Variants in PIK3CB observed in about 807,000 individuals in gnomAD.
PIK3CB encodes phosphatidylinositol 4,5-bisphosphate 3-kinase catalytic subunit beta isoform.
PIK3CB carries 39 observed loss-of-function variants against 136.8 expected under a neutral mutation model. That is an observed-to-expected ratio of 0.29 (90% CI 0.22 to 0.37). PIK3CB has a LOEUF of 0.37. Ranked by LOEUF, PIK3CB falls within the 10% of genes least tolerant of loss-of-function variation. The probability of loss-of-function intolerance (pLI) is 1.00; values close to 1 mark genes in which losing one functional copy is unlikely to be tolerated. For missense variants in PIK3CB, 868 were observed against 1,275.4 expected (o/e 0.68, Z 4.87); for synonymous variants, 428 against 436.6 (o/e 0.98, Z 0.25).
At chr3:138,671,697 C>T (rs746032273) in intron 19 of PIK3CB, among the ~76,000 whole-genome samples, 1 of 152,238 alleles carries the variant, frequency 6.6e-6, no homozygotes, top group Non-Finnish European at 1.5e-5. Flanking sequence ...AACACTTGAA[C>T]AAAGGATTCT....
intron 7 of PIK3CB, among the ~76,000 whole-genome samples, chr3:138,734,041 A>T (rs2045048570): frequency 6.6e-6 from 1 of 152,228 alleles, no homozygotes; most frequent in Admixed American, 6.5e-5. Flanking sequence ...GACCATTTAT[A>T]TTAATATAGA....
chr3:138,760,089 ATTTTTT>A (rs2045641748), intron 2 of PIK3CB, among the ~76,000 whole-genome samples: 1 of 151,894 alleles, frequency 6.6e-6, no homozygotes, highest in East Asian at 1.9e-4. Flanking sequence ...GCCTGGCTAA[ATTTTTT>A]GTATTTTTAG....
chr3:138,769,513 T>G (rs2045774493), intron 2 of PIK3CB, among the ~76,000 whole-genome samples: 1 of 152,170 alleles, frequency 6.6e-6, no homozygotes, highest in Non-Finnish European at 1.5e-5. Context: ...ATATTCAAAC[T>G]AAAACCACAA....
intron 22 of PIK3CB, 142 bp downstream of exon 22, chr3:138,657,548 A>T (rs770909423): frequency 7.7e-6 from 5 of 648,788 alleles, no homozygotes; most frequent in Non-Finnish European, 1.3e-5. Context: ...ATAATCTGAC[A>T]GGCAAATTCC....
chr3:138,669,132 C>A (rs922679362), intron 19 of PIK3CB, among the ~76,000 whole-genome samples: 1 of 152,110 alleles, frequency 6.6e-6, no homozygotes, highest in African/African-American at 2.4e-5. Context: ...GGGAAGTAGG[C>A]CAGGTGCGGT....
rs1214393309 is a variant in PIK3CB at position 138,684,740 on chromosome 3, T to G, written c.2200A>C (p.Asn734His). The change falls in exon 17 of 24, where the codon AAC (asparagine) becomes CAC (histidine). Residue 734 changes from asparagine to histidine, a missense_variant. Around this residue, in one of 4 missense-constraint regions of PIK3CB, gnomAD observed 165 missense variants for 295.4 expected, o/e 0.56. Transcript: ENST00000674063. ...SLIKLNAVKLNRAKGKEAMHT... is the reference protein window; with the variant it reads ...SLIKLNAVKLHRAKGKEAMHT... ...ATGGCCTCCTTCCCTTTGGCTCTGTTTAACTTCACGGCATTCAGTTTGATT... is the reference window on the plus strand; with the variant it reads ...ATGGCCTCCTTCCCTTTGGCTCTGTGTAACTTCACGGCATTCAGTTTGATT... 6 of 1,613,956 alleles carry G rather than the reference T, an allele frequency of 3.7e-6. No homozygotes were observed. In the African/African-American group the frequency reaches 4.0e-5, roughly 11 times the overall value.
intron 10 of PIK3CB, among the ~76,000 whole-genome samples, chr3:138,708,997 G>A (rs1454760000): frequency 6.6e-6 from 1 of 151,794 alleles, no homozygotes; most frequent in Non-Finnish European, 1.5e-5. Flanking sequence ...TGTCCAGGCT[G>A]GTCTCAATCT....
At chr3:138,824,347 A>G (rs1282153425) in intron 1 of PIK3CB, among the ~76,000 whole-genome samples, 1 of 152,128 alleles carries the variant, frequency 6.6e-6, no homozygotes, top group African/African-American at 2.4e-5. Flanking sequence ...CACTGGGGAG[A>G]ATTCTGAGCT....
intron 16 of PIK3CB, among the ~76,000 whole-genome samples, chr3:138,687,018 G>T (rs2043908556): frequency 6.6e-6 from 1 of 152,138 alleles, no homozygotes; most frequent in African/African-American, 2.4e-5. Context: ...TGTGAAATTT[G>T]AAACTTCTTC....
chr3:138,713,438 G>A (rs1576348901), intron 9 of PIK3CB, among the ~76,000 whole-genome samples: 1 of 152,078 alleles, frequency 6.6e-6, no homozygotes, highest in African/African-American at 2.4e-5. Flanking sequence ...TTGGGAGGCC[G>A]AGGCGGGTGA....
At chr3:138,737,667 TC>T in intron 6 of PIK3CB, 39 bp downstream of exon 6, 7 of 868,346 alleles carry the variant, frequency 8.1e-6, no homozygotes, top group South Asian at 1.9e-5. Context: ...ATATATATAC[TC>T]ATAGACTTTT....
chr3:138,823,945 A>G (rs993767611), intron 1 of PIK3CB, among the ~76,000 whole-genome samples: 3 of 152,180 alleles, frequency 2.0e-5, no homozygotes, highest in South Asian at 2.1e-4. Flanking sequence ...TCAGGTCTTC[A>G]TGGTCTAGAA....
chr3:138,772,860 A>G (rs1165954716), intron 2 of PIK3CB, among the ~76,000 whole-genome samples: 3 of 140,364 alleles, frequency 2.1e-5, no homozygotes, highest in Non-Finnish European at 4.5e-5. Context: ...ATCTTGGCTC[A>G]CTGCAACCTC....
In PIK3CB at chr3:138,742,624, A is replaced by C; in HGVS notation, c.555T>G (p.Pro185=). The change falls in exon 5 of 24, where the codon CCT becomes CCG. Residue 185 remains proline, a synonymous_variant. Coordinates refer to ENST00000674063, the MANE Select transcript of PIK3CB (RefSeq NM_006219.3). ...TYPPEHEPSI[P]ENLEDKLYGG... ...CATAAAGTTTATCTTCTAAGTTTTC[A>C]GGGATGGATGGTTCATGCTCTGGTG... The C allele has an allele frequency of 6.2e-7, 1 of 1,609,528 alleles. No individual in the cohort carries two copies. The highest frequency in any genetic ancestry group is 8.5e-7 in the Non-Finnish European group (1 of 1,176,258).
intron 12 of PIK3CB, among the ~76,000 whole-genome samples, chr3:138,701,965 T>C (rs1317727723): frequency 1.3e-5 from 2 of 150,850 alleles, no homozygotes; most frequent in Non-Finnish European, 3.0e-5. Context: ...TATGTATATA[T>C]AGATCTCATT....
intron 14 of PIK3CB, among the ~76,000 whole-genome samples, chr3:138,693,982 A>ATATAT (rs1553723928): frequency 1.8e-5 from 2 of 113,246 alleles, no homozygotes; most frequent in Non-Finnish European, 3.7e-5. Flanking sequence ...ATATATATAT[A>ATATAT]TATATATATA....
chr3:138,760,784 GT>G (rs2045652979), intron 2 of PIK3CB, among the ~76,000 whole-genome samples: 1 of 152,122 alleles, frequency 6.6e-6, no homozygotes, highest in Non-Finnish European at 1.5e-5. Flanking sequence ...GTGCATACCT[GT>G]AGTCCCAGCT....
intron 16 of PIK3CB, among the ~76,000 whole-genome samples, chr3:138,685,396 CAAAAAAAAAA>C (rs398052626): frequency 0.013 from 744 of 58,368 alleles, 11 homozygotes; most frequent in African/African-American, 0.068. Flanking sequence ...GAAACTGTCT[CAAAAAAAAAA>C]AAAAAAAAAA....
At chr3:138,774,015 T>C (rs1321077649) in intron 2 of PIK3CB, among the ~76,000 whole-genome samples, 2 of 152,214 alleles carry the variant, frequency 1.3e-5, no homozygotes, top group African/African-American at 4.8e-5. Context: ...ATCTACTACA[T>C]TAACATAGAG....
Sources: allele counts gnomAD v4.1 joint callset (sites outside exome capture counted in the v4.1 genomes callset), GRCh38; gene constraint gnomAD v4.1.1; regional missense constraint gnomAD v4.1.1; transcripts MANE v1.5; gene names NCBI Gene and HGNC (gene_info 2026-07-23, HGNC 2026-07-21).